Variants in ADAMTS19 observed in about 807,000 individuals in gnomAD.
ADAMTS19 encodes A disintegrin and metalloproteinase with thrombospondin motifs 19.
ADAMTS19 carries 93 observed loss-of-function variants against 153.3 expected under a neutral mutation model. The ratio of observed to expected loss-of-function variants is 0.61; its 90% CI spans 0.51 to 0.72. The LOEUF is 0.72. Among genes scored for constraint, ADAMTS19 ranks in the 30% least tolerant of loss-of-function variants. ADAMTS19 has a pLI of 0.00. For missense variants in ADAMTS19, 1,482 were observed against 1,552.1 expected (o/e 0.95, Z 0.76); for synonymous variants, 600 against 556.6 (o/e 1.08, Z -1.10).
chr5:129,711,665 G>C (rs1302605400), intron 21 of ADAMTS19, among the ~76,000 whole-genome samples: 1 of 151,348 alleles, frequency 6.6e-6, no homozygotes, highest in Non-Finnish European at 1.5e-5. Context: ...GACAGAGTGA[G>C]ACTCTGTCTC....
At chr5:129,494,783 ATTC>A (rs1750872913) in intron 2 of ADAMTS19, among the ~76,000 whole-genome samples, 1 of 152,146 alleles carries the variant, frequency 6.6e-6, no homozygotes, top group African/African-American at 2.4e-5. Context: ...CATATTGTGA[ATTC>A]TTCTTTCTTT....
At chr5:129,632,008 G>A (rs971643710) in intron 10 of ADAMTS19, among the ~76,000 whole-genome samples, 2 of 151,764 alleles carry the variant, frequency 1.3e-5, no homozygotes, top group African/African-American at 4.8e-5. Context: ...TCTTTAAGAG[G>A]CCTGATCTGG....
chr5:129,694,618 GT>G, intron 18 of ADAMTS19, 101 bp from the exon 19 acceptor site: 1 of 836,560 alleles, frequency 1.2e-6, no homozygotes, highest in Non-Finnish European at 1.6e-6. Context: ...TTATAAAAAA[GT>G]TTTTTAAATA....
At chr5:129,528,019 G>A (rs1355344007) in intron 5 of ADAMTS19, among the ~76,000 whole-genome samples, 188 bp downstream of exon 5, 3 of 151,972 alleles carry the variant, frequency 2.0e-5, no homozygotes, top group Non-Finnish European at 4.4e-5. Flanking sequence ...ATAAGATGTC[G>A]TTAGTTTCCA....
chr5:129,527,609 T>C (rs1752057271), intron 4 of ADAMTS19, 139 bp from the exon 5 acceptor site: 1 of 429,070 alleles, frequency 2.3e-6, no homozygotes, highest in Admixed American at 4.3e-5. Flanking sequence ...TTACTTTGCT[T>C]TACAAGCTTT....
chr5:129,529,621 C>A (rs970260547), intron 6 of ADAMTS19, among the ~76,000 whole-genome samples: 1 of 152,174 alleles, frequency 6.6e-6, no homozygotes, highest in East Asian at 1.9e-4. Flanking sequence ...ATGCAAACAT[C>A]GCAGTCAACC....
chr5:129,582,327 T>C (rs749337284), intron 7 of ADAMTS19, among the ~76,000 whole-genome samples: 1 of 151,824 alleles, frequency 6.6e-6, no homozygotes, highest in Non-Finnish European at 1.5e-5. Context: ...TCTTGTTGCG[T>C]TGATCCCTTT....
In ADAMTS19 at chr5:129,608,116, G is replaced by GTGTGTGTGTATATATA. The variant is rs377008786; in HGVS notation, c.1478+11453_1478+11454insGTGTGTGTATATATAT. Among the ~76,000 whole-genome samples the GTGTGTGTGTATATATA allele has an allele frequency of 6.3e-3, 303 of 47,924 alleles. 6 individuals are homozygous for GTGTGTGTGTATATATA. Among genetic ancestry groups the GTGTGTGTGTATATATA allele is most frequent in the Non-Finnish European group, 0.011 (221 of 20,112 alleles). 31.4% of individuals were successfully genotyped at this position (47,924 alleles called of 152,430 possible). The stretch of plus-strand genomic sequence containing the variant: ...TGTGTGTGTGTGTGTGTGTGTGTGT[G>GTGTGTGTGTATATATA]TATATATATATATATATATATATAA... On this transcript the variant is annotated intron_variant, in intron 8 of 22. Transcript: ENST00000274487.
intron 2 of ADAMTS19, among the ~76,000 whole-genome samples, chr5:129,501,362 T>TC (rs1751101533): frequency 6.6e-6 from 1 of 152,160 alleles, no homozygotes; most frequent in East Asian, 1.9e-4. Context: ...AGTCTGATCA[T>TC]ATAGAACAGT....
intron 16 of ADAMTS19, among the ~76,000 whole-genome samples, chr5:129,678,990 T>C (rs1298126400): frequency 1.3e-5 from 2 of 152,188 alleles, no homozygotes; most frequent in Admixed American, 1.3e-4. Context: ...AATTAAACAC[T>C]AAATCATTTG....
chr5:129,600,295 C>A (rs111552487), intron 8 of ADAMTS19, among the ~76,000 whole-genome samples: 4 of 151,920 alleles, frequency 2.6e-5, no homozygotes, highest in Non-Finnish European at 5.9e-5. Context: ...CTCTTTAATC[C>A]TATATTTTTC....
Position 129,738,582 on chromosome 5 carries a change from A to T in ADAMTS19, c.*1364A>T, listed in dbSNP as rs1224042714. 3.3e-5 allele frequency: 5 copies of T among 152,002 alleles called. No homozygotes were observed. The highest frequency in any genetic ancestry group is 3.3e-4 in the Admixed American group (5 of 15,230). The allele number at this position is 152,002 out of a possible 1,614,324, so 9.4% of individuals were successfully genotyped here. On this transcript the variant is annotated 3_prime_UTR_variant, in exon 23 of 23. Coordinates refer to ENST00000274487, the MANE Select transcript of ADAMTS19 (RefSeq NM_133638.6). Reference sequence around the variant, plus strand: ...GTTCTGAGGTCACCTGGCTCTCTTCATGTCACCCTTTGGGAAATGGGGCTC... The same window carrying T: ...GTTCTGAGGTCACCTGGCTCTCTTCTTGTCACCCTTTGGGAAATGGGGCTC...
chr5:129,612,802 TGCAGAGACACAC>T (rs1751298909), intron 8 of ADAMTS19, among the ~76,000 whole-genome samples: 1 of 152,162 alleles, frequency 6.6e-6, no homozygotes, highest in African/African-American at 2.4e-5. Flanking sequence ...CCATCTCATG[TGCAGAGACACAC>T]ATAGGCTCAA....
chr5:129,564,786 T>C (rs7379137), intron 7 of ADAMTS19, among the ~76,000 whole-genome samples: 115,371 of 152,086 alleles, frequency 0.76, 45,464 homozygotes, highest in Non-Finnish European at 0.88. Context: ...ATTTGGATGG[T>C]GCCAGCTTGG....
intron 7 of ADAMTS19, among the ~76,000 whole-genome samples, 200 bp downstream of exon 7, chr5:129,552,107 A>G (rs904345843): frequency 5.9e-5 from 9 of 151,952 alleles, no homozygotes; most frequent in African/African-American, 2.2e-4. Context: ...TATTGGAGAC[A>G]ATCTTTAAGT....
intron 7 of ADAMTS19, among the ~76,000 whole-genome samples, chr5:129,563,087 C>T (rs1190850898): frequency 1.3e-5 from 2 of 152,142 alleles, no homozygotes; most frequent in African/African-American, 4.8e-5. Context: ...TCTCCAGACC[C>T]TTCCCTTTCC....
At chr5:129,658,307 GAAAA>G (rs1239991250) in intron 14 of ADAMTS19, among the ~76,000 whole-genome samples, 12 of 82,270 alleles carry the variant, frequency 1.5e-4, no homozygotes, top group Admixed American at 1.4e-3. Context: ...AAGAAAGAAA[GAAAA>G]AGAAAGAAAG....
intron 2 of ADAMTS19, among the ~76,000 whole-genome samples, chr5:129,487,725 G>A (rs904613425): frequency 8.6e-5 from 13 of 151,966 alleles, no homozygotes; most frequent in Non-Finnish European, 1.8e-4. Context: ...TCTAAATAGC[G>A]TAATATTTTC....
chr5:129,522,009 A>T (rs1409558886), intron 3 of ADAMTS19, among the ~76,000 whole-genome samples: 1 of 151,962 alleles, frequency 6.6e-6, no homozygotes, highest in African/African-American at 2.4e-5. Context: ...ATCTAAGTAG[A>T]AGGAGGTGTC....
Sources: gnomAD v4.1 joint callset for allele counts (sites outside exome capture counted in the v4.1 genomes callset) on GRCh38, gnomAD v4.1.1 for gene constraint, MANE v1.5 for transcripts, NCBI Gene and HGNC (gene_info 2026-07-23, HGNC 2026-07-21) for gene names.